CAMK1D: variants seen among roughly 807,000 people sequenced by gnomAD.
CAMK1D encodes the protein calcium/calmodulin-dependent protein kinase type 1D.
Under a neutral mutation model 47.7 loss-of-function variants are expected in CAMK1D, and 9 were observed. That is an observed-to-expected ratio of 0.19 (90% CI 0.11 to 0.33). CAMK1D has a LOEUF of 0.33. Ranked by LOEUF, CAMK1D falls within the 10% of genes least tolerant of loss-of-function variation. The pLI is 1.00. For missense variants in CAMK1D, 291 were observed against 488.7 expected, an observed-to-expected ratio of 0.60 and a Z score of 3.81; for synonymous variants, 184 against 184.9, an observed-to-expected ratio of 0.99 and a Z score of 0.04.
intron 4 of CAMK1D, among the ~76,000 whole-genome samples, chr10:12,764,609 G>A (rs1470036738): frequency 1.3e-5 from 2 of 149,652 alleles, no homozygotes; most frequent in Non-Finnish European, 3.0e-5. Context: ...GGACAAGGAA[G>A]ATAAAAAATC....
chr10:12,413,978 A>G (rs1475612853), intron 1 of CAMK1D, among the ~76,000 whole-genome samples: 20 of 152,106 alleles, frequency 1.3e-4, no homozygotes, highest in Admixed American at 1.3e-3. Context: ...TAACGATGAG[A>G]TATCTTTTCT....
At chr10:12,555,887 A>C (rs1444499896) in intron 2 of CAMK1D, among the ~76,000 whole-genome samples, 1 of 152,198 alleles carries the variant, frequency 6.6e-6, no homozygotes, top group African/African-American at 2.4e-5. Context: ...TGCAGGCTTT[A>C]TAAACCAGTC....
At chr10:12,381,992 A>AC (rs1173576450) in intron 1 of CAMK1D, among the ~76,000 whole-genome samples, 1 of 152,204 alleles carries the variant, frequency 6.6e-6, no homozygotes, top group Non-Finnish European at 1.5e-5. Context: ...GTTTTTCCAC[A>AC]CCAGTCCATT....
At chr10:12,577,297 C>A (rs1026955632) in intron 2 of CAMK1D, among the ~76,000 whole-genome samples, 1 of 152,188 alleles carries the variant, frequency 6.6e-6, no homozygotes, top group South Asian at 2.1e-4. Context: ...GCAGGTCTCT[C>A]ACTAGGAACT....
chr10:12,412,644 G>T (rs1318745454), intron 1 of CAMK1D, among the ~76,000 whole-genome samples: 6 of 134,190 alleles, frequency 4.5e-5, no homozygotes, highest in Non-Finnish European at 4.7e-5. Context: ...AAAAAAAGTC[G>T]AGATCGTGTC....
chr10:12,544,495 AAAAC>A (rs1345219965), intron 1 of CAMK1D, among the ~76,000 whole-genome samples: 1 of 152,272 alleles, frequency 6.6e-6, no homozygotes, highest in Non-Finnish European at 1.5e-5. Context: ...TTTTCCAGTC[AAAAC>A]AAACAGTGAT....
At chr10:12,470,873 G>A (rs1257627988) in intron 1 of CAMK1D, among the ~76,000 whole-genome samples, 1 of 152,136 alleles carries the variant, frequency 6.6e-6, no homozygotes, top group Non-Finnish European at 1.5e-5. Context: ...ATGGCCCAGT[G>A]TACTGCCACC....
chr10:12,794,138 G>A (rs937010877), intron 6 of CAMK1D, among the ~76,000 whole-genome samples: 2 of 152,164 alleles, frequency 1.3e-5, no homozygotes, highest in African/African-American at 2.4e-5. Context: ...AGTGAGAGGC[G>A]CTTCTCCTGG....
intron 1 of CAMK1D, among the ~76,000 whole-genome samples, chr10:12,515,415 T>TC (rs1835170108): frequency 2.8e-5 from 2 of 70,442 alleles, no homozygotes; most frequent in African/African-American, 1.1e-4. Flanking sequence ...TTTTTTTTTT[T>TC]TTCTTTTTTT....
chr10:12,688,332 G>C (rs576497266), intron 3 of CAMK1D, among the ~76,000 whole-genome samples: 32 of 152,276 alleles, frequency 2.1e-4, no homozygotes, highest in African/African-American at 7.7e-4. Flanking sequence ...GTAGCATCTG[G>C]AACATAGTTC....
chr10:12,826,599 T>G (rs1833217709), intron 10 of CAMK1D, among the ~76,000 whole-genome samples: 1 of 152,184 alleles, frequency 6.6e-6, no homozygotes, highest in Non-Finnish European at 1.5e-5. Flanking sequence ...ATCAGAGCAG[T>G]GGCCCTAATC....
chr10:12,818,821 G>A (rs1319415705), intron 8 of CAMK1D, among the ~76,000 whole-genome samples: 1 of 152,240 alleles, frequency 6.6e-6, no homozygotes, highest in African/African-American at 2.4e-5. Context: ...GAAAGGAAAG[G>A]CTTGGGGGAG....
At chr10:12,731,623 G>T (rs552569565) in intron 3 of CAMK1D, among the ~76,000 whole-genome samples, 5 of 152,140 alleles carry the variant, frequency 3.3e-5, no homozygotes, top group Non-Finnish European at 5.9e-5. Context: ...GAAGAGGGAC[G>T]GTGTATGGCA....
chr10:12,429,089 C>T (rs1270816149), intron 1 of CAMK1D, among the ~76,000 whole-genome samples: 1 of 152,136 alleles, frequency 6.6e-6, no homozygotes, highest in African/African-American at 2.4e-5. Context: ...GTGGCCTCTG[C>T]CCACCCACTG....
chr10:12,382,729 G>A (rs1189071470), intron 1 of CAMK1D, among the ~76,000 whole-genome samples: 2 of 152,124 alleles, frequency 1.3e-5, no homozygotes, highest in Non-Finnish European at 2.9e-5. Context: ...GGAGACTGAG[G>A]CAGGAGAATC....
chr10:12,730,783 G>T (rs1330402971), intron 3 of CAMK1D, among the ~76,000 whole-genome samples: 1 of 152,166 alleles, frequency 6.6e-6, no homozygotes, highest in Non-Finnish European at 1.5e-5. Flanking sequence ...CAGCCCCACT[G>T]GTAGCTCAAG....
At chr10:12,695,591 G>A (rs769918967) in intron 3 of CAMK1D, among the ~76,000 whole-genome samples, 1 of 152,170 alleles carries the variant, frequency 6.6e-6, no homozygotes, top group Non-Finnish European at 1.5e-5. Flanking sequence ...AAAGGGTGTG[G>A]TGCTGTAGTC....
At chr10:12,697,382 A>C (rs79876209) in intron 3 of CAMK1D, among the ~76,000 whole-genome samples, 2,240 of 152,268 alleles carry the variant, frequency 0.015, 35 homozygotes, top group South Asian at 0.036. Context: ...CAGCGTCGCT[A>C]AGTATTTTGA....
chr10:12,768,974 A>C (rs527379914), intron 4 of CAMK1D, among the ~76,000 whole-genome samples: 11 of 152,224 alleles, frequency 7.2e-5, no homozygotes, highest in Admixed American at 7.2e-4. Context: ...AAGAAATGGA[A>C]GAAGGCCTTT....
Sources: allele counts gnomAD v4.1 joint callset (sites outside exome capture counted in the v4.1 genomes callset), GRCh38; gene constraint gnomAD v4.1.1; transcripts MANE v1.5; gene names NCBI Gene and HGNC (gene_info 2026-07-23, HGNC 2026-07-21).